EPS8L2: variants seen among roughly 807,000 people sequenced by gnomAD.
EPS8L2 encodes EPS8 signaling adaptor L2.
EPS8L2 carries 81 observed loss-of-function variants against 99.4 expected under a neutral mutation model. The observed-to-expected ratio is 0.82, with a 90% CI of 0.68 to 0.98. The LOEUF is 0.98. EPS8L2 is among the 50% of genes least tolerant of loss of function. The pLI, the probability that EPS8L2 is intolerant of heterozygous loss-of-function variation, is 0.00. For synonymous variants in EPS8L2, 509 were observed against 407.3 expected, an observed-to-expected ratio of 1.25 and a Z score of -3.01; for missense variants, 1,155 against 968.8, an observed-to-expected ratio of 1.19 and a Z score of -2.55.
chr11:720,540 C>T (rs753421157), intron 5 of EPS8L2, 57 bp from the exon 6 acceptor site: 29 of 1,560,392 alleles, frequency 1.9e-5, no homozygotes, highest in Non-Finnish European at 2.5e-5. Flanking sequence ...TCCGGCCACT[C>T]CCTGCCAGAG....
At position 709,300 on chromosome 11, in the gene EPS8L2, A is replaced by T. The variant is rs1590045498; in HGVS notation, c.-78-30A>T. 2.7e-5 allele frequency: 35 copies of T among 1,302,346 alleles called. No individual in the cohort carries two copies. In the East Asian group the frequency reaches 8.9e-4, roughly 33 times the overall value. The allele number at this position is 1,302,346 out of a possible 1,614,324, so 80.7% of individuals were successfully genotyped here. On this transcript the variant is annotated intron_variant, in intron 1 of 20. Transcript: ENST00000318562. ...GGGAGGAACCAGCCAGGCCGGAGGA[A>T]GTGTCAGCGCAGCCCTTCTGTCCAC...
chr11:720,298 G>T (rs762806237), intron 5 of EPS8L2, 75 bp downstream of exon 5: 3 of 1,500,690 alleles, frequency 2.0e-6, no homozygotes, highest in African/African-American at 1.4e-5. Context: ...CAGCCCGGAT[G>T]TGCGGCCGGT....
In EPS8L2 at chr11:727,159, G is replaced by T; in HGVS notation, c.*178G>T. The T allele has an allele frequency of 1.7e-6, 1 of 577,574 alleles. No homozygotes were observed. The highest frequency in any genetic ancestry group is 3.1e-6 in the Non-Finnish European group (1 of 324,230). The allele number at this position is 577,574 out of a possible 1,614,324, so 35.8% of individuals were successfully genotyped here. A position where few individuals can be genotyped will look rare whatever the true frequency, so the allele number is the denominator to read the frequency against. ...CATCCTTAGGCCAAACAGTACCCAAGGCCTCAGCCCACACCAAGACTAATC... is the reference window on the plus strand; with the variant it reads ...CATCCTTAGGCCAAACAGTACCCAATGCCTCAGCCCACACCAAGACTAATC... On this transcript the variant is annotated 3_prime_UTR_variant, in exon 21 of 21. Coordinates refer to ENST00000318562, the MANE Select transcript of EPS8L2 (RefSeq NM_022772.4).
At position 726,007 on chromosome 11, in the gene EPS8L2, G is replaced by A. The variant is rs1862306545; in HGVS notation, c.1681-91G>A. 44 of 1,279,492 alleles carry A rather than the reference G, an allele frequency of 3.4e-5. No homozygotes were observed. In the South Asian group the frequency reaches 5.9e-4, roughly 17 times the overall value. 79.3% of individuals were successfully genotyped at this position (1,279,492 alleles called of 1,614,324 possible). On this transcript the variant is annotated intron_variant, in intron 17 of 20. Transcript: ENST00000318562. The stretch of plus-strand genomic sequence containing the variant: ...AAGGGCTGGTCCGCAGGCCGGGGCT[G>A]TAGGGGGATTGGCGGGGTGGGGAGG...
chr11:725,892 G>A (rs1161182360), intron 17 of EPS8L2, 45 bp downstream of exon 17: 3 of 1,365,262 alleles, frequency 2.2e-6, no homozygotes, highest in Non-Finnish European at 2.8e-6. Flanking sequence ...CAGCTTCCTG[G>A]AGCAGCCCCG....
At chr11:726,051 AGGCGGG>A in intron 17 of EPS8L2, 41 bp from the exon 18 acceptor site, 1 of 1,074,948 alleles carries the variant, frequency 9.3e-7, no homozygotes, top group South Asian at 1.3e-5. Context: ...AGGTGCTGGG[AGGCGGG>A]GGCGGGGCGT....
intron 4 of EPS8L2, among the ~76,000 whole-genome samples, chr11:714,965 G>A (rs530221825): frequency 4.1e-4 from 62 of 152,230 alleles, no homozygotes; most frequent in Admixed American, 1.4e-3. Flanking sequence ...TTTGTGGGCC[G>A]GGCGCGGTGG....
At chr11:721,511 A>G (rs1862172861) in intron 9 of EPS8L2, 54 bp from the exon 10 acceptor site, 5 of 1,519,748 alleles carry the variant, frequency 3.3e-6, no homozygotes, top group Middle Eastern at 1.8e-4. Flanking sequence ...CCCTGCAGCA[A>G]GGCGGGGCGG....
At chr11:726,527 G>A (rs957242752) in intron 19 of EPS8L2, 43 bp downstream of exon 19, 2 of 1,515,742 alleles carry the variant, frequency 1.3e-6, no homozygotes, top group Non-Finnish European at 1.8e-6. Context: ...GGCGAGGGGT[G>A]GGAGGTGCGG....
chr11:710,216 T>C (rs1048759785), intron 3 of EPS8L2: 7 of 573,738 alleles, frequency 1.2e-5, no homozygotes, highest in South Asian at 3.9e-5. Context: ...CCGAGCTGCG[T>C]CCTTCTCCAA....
intron 17 of EPS8L2, 30 bp downstream of exon 17, chr11:725,877 G>GA (rs1564979891): frequency 7.4e-7 from 1 of 1,355,712 alleles, no homozygotes; most frequent in Admixed American, 3.7e-5. Context: ...TGGGGTCGCA[G>GA]CCCCCAGCTT....
In EPS8L2 at chr11:724,436, T is replaced by G; in HGVS notation, c.1455-288T>G. On this transcript the variant is annotated intron_variant, in intron 15 of 20. Transcript: ENST00000318562. This position sits in a 1 kb window ranked among gnomAD's most constrained non-coding sequence, Gnocchi z 5.5. ...CTCTGGTTCCCCTGGGGTGCCGGAC[T>G]GGAGACCCCTGAGGTGGCCTGGGAT... 1 of 434,996 alleles carries G rather than the reference T, an allele frequency of 2.3e-6. No individual in the cohort carries two copies. The highest frequency in any genetic ancestry group is 4.5e-5 in the East Asian group (1 of 22,170). The allele number at this position is 434,996 out of a possible 1,614,324, so 26.9% of individuals were successfully genotyped here. A position where few individuals can be genotyped will look rare whatever the true frequency, so the allele number is the denominator to read the frequency against.
At position 721,885 on chromosome 11, in the gene EPS8L2, C is replaced by T. The variant is rs772462585; in HGVS notation, c.896-18C>T. On this transcript the variant is annotated intron_variant, in intron 10 of 20. Transcript: ENST00000318562. ...GAGATCAGGGCCAGCCTGGCTCACG[C>T]GGTGCCTCCCATGCCAGAGGGCGTC... The T allele has an allele frequency of 2.5e-6, 4 of 1,571,224 alleles. No homozygotes were observed. Among genetic ancestry groups the T allele is most frequent in the East Asian group, 2.4e-5 (1 of 42,234 alleles).
chr11:707,108 GCCCCTCCCCTCGCGGCCC>G (rs1861745533), intron 1 of EPS8L2, among the ~76,000 whole-genome samples: 4 of 151,464 alleles, frequency 2.6e-5, no homozygotes, highest in African/African-American at 9.7e-5. Context: ...GCTGGCGGCG[GCCCCTCCCCTCGCGGCCC>G]CTCCTCCCCT....
At position 721,704 on chromosome 11, in the gene EPS8L2, G is replaced by A. The variant is rs374927253; in HGVS notation, c.895+13G>A. On this transcript the variant is annotated intron_variant, in intron 10 of 20. Coordinates refer to ENST00000318562, the MANE Select transcript of EPS8L2 (RefSeq NM_022772.4). ...AAGGCGCCAGCAGGTGCAGGGGACAGGGACGGGGCCGGCAGGTGCAGGGGA... is the reference window on the plus strand; with the variant it reads ...AAGGCGCCAGCAGGTGCAGGGGACAAGGACGGGGCCGGCAGGTGCAGGGGA... The A allele has an allele frequency of 1.2e-6, 2 of 1,602,678 alleles. No homozygotes were observed. Among genetic ancestry groups the A allele is most frequent in the African/African-American group, 2.7e-5 (2 of 74,242 alleles).
chr11:715,001 G>A (rs1301123208), intron 4 of EPS8L2, among the ~76,000 whole-genome samples: 1 of 152,134 alleles, frequency 6.6e-6, no homozygotes, highest in East Asian at 1.9e-4. Context: ...CCAGCACTTT[G>A]GGAGGCTGAG....
At position 726,187 on chromosome 11, in the gene EPS8L2, C is replaced by A; in HGVS notation, c.1753+17C>A. ...ACAAAGACGGTGAGAGCTGCTGCTTCGAGGCGGGGGTCCCGGGCCCAGGGC... is the reference window on the plus strand; with the variant it reads ...ACAAAGACGGTGAGAGCTGCTGCTTAGAGGCGGGGGTCCCGGGCCCAGGGC... On this transcript the variant is annotated intron_variant, in intron 18 of 20. Transcript: ENST00000318562. The A allele has an allele frequency of 6.3e-7, 1 of 1,599,796 alleles. No individual in the cohort carries two copies.
rs1202408840 is a variant in EPS8L2, at chr11:726,418, C to T, written c.1868C>T (p.Pro623Leu). ...RVERSQPVSQ[P>L]LTYESGPDEV... The stretch of plus-strand genomic sequence containing the variant: ...GAGCGCAGCCAGCCCGTGAGCCAGC[C>T]GCTCACCTACGAGTCGGGTCCGGAC... Residue 623 changes from proline to leucine, a missense_variant, in exon 19 of 21, where the codon CCG becomes CTG. Pro to Leu is a moderately conservative substitution (Grantham distance 98). Coordinates refer to ENST00000318562, the MANE Select transcript of EPS8L2 (RefSeq NM_022772.4). 6.4e-5 allele frequency: 102 copies of T among 1,603,336 alleles called. No individual in the cohort carries two copies. Among genetic ancestry groups the T allele is most frequent in the Non-Finnish European group, 8.3e-5 (98 of 1,176,188 alleles).
chr11:725,324 A>C (rs1862284739), intron 16 of EPS8L2, among the ~76,000 whole-genome samples: 1 of 152,214 alleles, frequency 6.6e-6, no homozygotes, highest in Non-Finnish European at 1.5e-5. Context: ...AAGCCTGGGC[A>C]ACACCTCAAA....
Sources: allele counts gnomAD v4.1 joint callset (sites outside exome capture counted in the v4.1 genomes callset), GRCh38; gene constraint gnomAD v4.1.1; non-coding constraint Gnocchi (gnomAD v3.1); transcripts MANE v1.5; gene names NCBI Gene and HGNC (gene_info 2026-07-23, HGNC 2026-07-21).